Variants in GSN observed in about 807,000 individuals in gnomAD.
GSN encodes the protein actin-depolymerizing factor.
Under a neutral mutation model 85.7 loss-of-function variants are expected in GSN, and 56 were observed. That is an observed-to-expected ratio of 0.65 (90% CI 0.53 to 0.82). The LOEUF is 0.82. Among genes scored for constraint, GSN ranks in the 40% least tolerant of loss-of-function variants. The pLI is 0.00. For synonymous variants in GSN, 373 were observed against 399.1 expected (o/e 0.93, Z 0.78); for missense variants, 857 against 979.8 (o/e 0.87, Z 1.67).
At chr9:121,331,848 G>A (rs1398329552) in intron 17 of GSN, 2 of 194,264 alleles carry the variant, frequency 1.0e-5, no homozygotes, top group Non-Finnish European at 2.1e-5. Flanking sequence ...GAGCCCAGGA[G>A]TTTGAAAGCA....
chr9:121,223,102 GCCGTTACACT>G, intron 4 of GSN: 1 of 152,186 alleles, frequency 6.6e-6, no homozygotes, highest in South Asian at 2.1e-4. Context: ...GGGACATATA[GCCGTTACACT>G]CCGCCATTTT....
chr9:121,325,188 G>A (rs2063001829), intron 12 of GSN, among the ~76,000 whole-genome samples: 1 of 152,222 alleles, frequency 6.6e-6, no homozygotes, highest in Admixed American at 6.5e-5. Context: ...AATCATGCCT[G>A]CCATATAAGA....
At chr9:121,248,150 A>C (rs1387382638) in intron 5 of GSN, 3 of 152,048 alleles carry the variant, frequency 2.0e-5, no homozygotes, top group Non-Finnish European at 4.4e-5. Context: ...CATAAAGAAG[A>C]AAACAATTGT....
chr9:121,282,915 A>G (rs1005385327), intron 2 of GSN: 74 of 198,628 alleles, frequency 3.7e-4, no homozygotes, highest in Middle Eastern at 2.1e-3. Flanking sequence ...CCGTCGCCTG[A>G]GAGCTTTGCT....
upstream of GSN, among the ~76,000 whole-genome samples, chr9:121,207,399 CAGA>C (rs1240942316): frequency 6.6e-6 from 1 of 152,186 alleles, no homozygotes; most frequent in African/African-American, 2.4e-5. Context: ...GATTGTATTA[CAGA>C]AGAACCCTGA....
At chr9:121,306,930 C>T (rs2060477756) in intron 4 of GSN, among the ~76,000 whole-genome samples, 1 of 152,140 alleles carries the variant, frequency 6.6e-6, no homozygotes, top group South Asian at 2.1e-4. Flanking sequence ...CTTGTAATCC[C>T]AACACTTTGG....
chr9:121,277,646 C>G (rs953092160), intron 1 of GSN, among the ~76,000 whole-genome samples: 7 of 144,784 alleles, frequency 4.8e-5, no homozygotes, highest in African/African-American at 1.3e-4. Flanking sequence ...AGAATCTGAA[C>G]AGCCCTTAAA....
chr9:121,238,545 C>T (rs548001668), intron 5 of GSN: 1 of 174,546 alleles, frequency 5.7e-6, no homozygotes, highest in South Asian at 1.3e-4. Context: ...TGCTCCTCAG[C>T]TTGCAGACGG....
chr9:121,224,673 G>T (rs1040825862), intron 4 of GSN, among the ~76,000 whole-genome samples: 2 of 150,658 alleles, frequency 1.3e-5, no homozygotes, highest in Admixed American at 1.3e-4. Context: ...GAATGACTGG[G>T]GACCCATCAG....
At chr9:121,325,927 T>C (rs1315200147) in intron 12 of GSN, among the ~76,000 whole-genome samples, 1 of 151,914 alleles carries the variant, frequency 6.6e-6, no homozygotes, top group Non-Finnish European at 1.5e-5. Flanking sequence ...GCGACTGCCA[T>C]ATGCCTGACG....
At chr9:121,327,578 C>T (rs758389997) in intron 14 of GSN, 96 bp downstream of exon 14, 19 of 984,876 alleles carry the variant, frequency 1.9e-5, no homozygotes, top group Non-Finnish European at 2.8e-5. Flanking sequence ...TCCTCCCCTC[C>T]ATCCCACCTG....
intron 6 of GSN, among the ~76,000 whole-genome samples, chr9:121,256,947 A>G (rs1379239964): frequency 6.6e-6 from 1 of 152,216 alleles, no homozygotes; most frequent in Non-Finnish European, 1.5e-5. Flanking sequence ...ACAGTAAATT[A>G]TAATTAACAA....
rs546520862 is a variant in GSN at position 121,318,021 on chromosome 9, T to G, written c.887-385T>G. On this transcript the variant is annotated intron_variant, in intron 8 of 17. Transcript: ENST00000432226. The surrounding 1 kb of genome is among the most constrained non-coding windows in gnomAD (Gnocchi z 4.3). ...GGAATGCCCTCAGGGTGGCAGCTTCTCACTCACTGAGTAACCTAGGTCAAG... is the reference window on the plus strand; with the variant it reads ...GGAATGCCCTCAGGGTGGCAGCTTCGCACTCACTGAGTAACCTAGGTCAAG... The G allele has an allele frequency of 7.0e-6, 2 of 286,810 alleles. No homozygotes were observed. The highest frequency in any genetic ancestry group is 3.5e-5 in the South Asian group (1 of 28,582). The allele number at this position is 286,810 out of a possible 1,614,324, so 17.8% of individuals were successfully genotyped here. A position where few individuals can be genotyped will look rare whatever the true frequency, so the allele number is the denominator to read the frequency against.
chr9:121,276,605 C>T (rs565239550), intron 1 of GSN, among the ~76,000 whole-genome samples: 2 of 152,344 alleles, frequency 1.3e-5, no homozygotes, highest in African/African-American at 4.8e-5. Context: ...CTTTAGGAAT[C>T]GCCTGGCTCT....
At chr9:121,258,967 C>G (rs2055025201) in intron 6 of GSN, among the ~76,000 whole-genome samples, 1 of 152,164 alleles carries the variant, frequency 6.6e-6, no homozygotes, top group Non-Finnish European at 1.5e-5. Context: ...GTGTTGGGCA[C>G]TGGGAGCACA....
At chr9:121,314,156 G>A (rs993729199) in intron 7 of GSN, 133 bp downstream of exon 7, 23 of 735,240 alleles carry the variant, frequency 3.1e-5, no homozygotes, top group East Asian at 1.1e-4. Context: ...GCTTTCTCAC[G>A]TCTCCAGTGG....
chr9:121,238,667 A>T (rs2054543781), intron 5 of GSN: 1 of 353,984 alleles, frequency 2.8e-6, no homozygotes, highest in Non-Finnish European at 5.5e-6. Context: ...CCTGACCAGT[A>T]CAGGTGCTCT....
intron 12 of GSN, 61 bp downstream of exon 12, chr9:121,324,705 T>C: frequency 1.3e-6 from 1 of 789,054 alleles, no homozygotes; most frequent in Non-Finnish European, 2.2e-6. Context: ...TCTTCACTCA[T>C]CTGTCTGACT....
Position 121,312,478 on chromosome 9 carries a change from C to CG in GSN, c.654dup (p.Met219AspfsTer48). On this transcript the variant is annotated frameshift_variant, in exon 6 of 18. Transcript: ENST00000432226. LOFTEE classifies it high-confidence loss of function. Reference sequence around the variant, plus strand: ...TCTGAGGAGGGCACTGAGCCCGAGGCGATGCTCCAGGTGCCTGTGGGGTGC... The same window carrying CG: ...TCTGAGGAGGGCACTGAGCCCGAGGCGGATGCTCCAGGTGCCTGTGGGGTGC... 1 of 1,611,084 alleles carries CG rather than the reference C, an allele frequency of 6.2e-7. No homozygotes were observed. Among genetic ancestry groups the CG allele is most frequent in the Admixed American group, 1.7e-5 (1 of 59,940 alleles).
Sources: allele counts gnomAD v4.1 joint callset (sites outside exome capture counted in the v4.1 genomes callset), GRCh38; gene constraint gnomAD v4.1.1; non-coding constraint Gnocchi (gnomAD v3.1); transcripts MANE v1.5; gene names NCBI Gene and HGNC (gene_info 2026-07-23, HGNC 2026-07-21).